The following SLIT3 variants were observed in gnomAD, a reference collection of about 807,000 sequenced individuals.
SLIT3 encodes slit homolog 3 protein.
SLIT3 carries 68 observed loss-of-function variants against 184.0 expected under a neutral mutation model. The ratio of observed to expected loss-of-function variants is 0.37; its 90% confidence interval spans 0.30 to 0.45. SLIT3 has a LOEUF of 0.45. SLIT3 is among the 20% of genes least tolerant of loss of function. The pLI, the probability that SLIT3 is intolerant of heterozygous loss-of-function variation, is 1.00. For synonymous variants in SLIT3, 831 were observed against 828.6 expected (o/e 1.00, Z -0.05); for missense variants, 1,707 against 2,026.0 (o/e 0.84, Z 3.02).
At chr5:168,966,757 C>T (rs1763210560) in intron 4 of SLIT3, among the ~76,000 whole-genome samples, 1 of 152,184 alleles carries the variant, frequency 6.6e-6, no homozygotes. Flanking sequence ...CATGGTGTTC[C>T]TTCCAGCCTC....
chr5:168,808,386 G>A (rs905450996), intron 8 of SLIT3, among the ~76,000 whole-genome samples: 1 of 151,996 alleles, frequency 6.6e-6, no homozygotes, highest in Non-Finnish European at 1.5e-5. Flanking sequence ...TCTGATTCCT[G>A]GTTCTATCAT....
intron 4 of SLIT3, among the ~76,000 whole-genome samples, chr5:169,192,046 A>G (rs1763568366): frequency 6.6e-6 from 1 of 152,178 alleles, no homozygotes; most frequent in South Asian, 2.1e-4. Context: ...TGATTACGTG[A>G]GCATCTAAGG....
chr5:168,944,820 G>C (rs916999499), intron 4 of SLIT3, among the ~76,000 whole-genome samples: 3 of 152,182 alleles, frequency 2.0e-5, no homozygotes, highest in African/African-American at 7.2e-5. Context: ...ATGGTGACTT[G>C]ATGGCTCTTT....
intron 6 of SLIT3, among the ~76,000 whole-genome samples, chr5:168,839,027 G>T (rs888411378): frequency 6.6e-6 from 1 of 152,114 alleles, no homozygotes; most frequent in African/African-American, 2.4e-5. Flanking sequence ...CACCCTCATA[G>T]GCATAAAACC....
chr5:169,126,592 C>A (rs551577626), intron 4 of SLIT3, among the ~76,000 whole-genome samples: 295 of 152,344 alleles, frequency 1.9e-3, no homozygotes, highest in Middle Eastern at 3.4e-3. Context: ...CAGAGCACTG[C>A]CTCTCACAAG....
intron 3 of SLIT3, among the ~76,000 whole-genome samples, chr5:169,203,361 ACAC>A (rs1763965404): frequency 8.2e-6 from 1 of 122,214 alleles, no homozygotes; most frequent in Non-Finnish European, 1.6e-5. Context: ...GCACACACAC[ACAC>A]ACACACACAC....
intron 4 of SLIT3, among the ~76,000 whole-genome samples, chr5:169,008,571 G>A (rs1249889708): frequency 6.6e-6 from 1 of 152,214 alleles, no homozygotes; most frequent in African/African-American, 2.4e-5. Flanking sequence ...TCCCGGCTCA[G>A]CTACTGACTT....
chr5:169,232,756 C>T (rs371125406), intron 3 of SLIT3, among the ~76,000 whole-genome samples: 7 of 152,302 alleles, frequency 4.6e-5, no homozygotes, highest in African/African-American at 1.7e-4. Context: ...CTTTGCTTTT[C>T]TTGGTCATTT....
rs954129532 is a variant in SLIT3, at chr5:169,300,314, G to A, written c.197+199C>T. Among the ~76,000 whole-genome samples the A allele has an allele frequency of 6.6e-6, 1 of 152,190 alleles. No individual in the cohort carries two copies. The highest frequency in any genetic ancestry group is 1.5e-5 in the Non-Finnish European group (1 of 68,034). ...AGGCACTGCTCTTTGCCCATCGCTGGGGGTTTCGAGACCTCTCTTTCCAGA... is the reference window on the plus strand; with the variant it reads ...AGGCACTGCTCTTTGCCCATCGCTGAGGGTTTCGAGACCTCTCTTTCCAGA... On this transcript the variant is annotated intron_variant, in intron 1 of 35. Coordinates refer to ENST00000519560, the MANE Select transcript of SLIT3 (RefSeq NM_003062.4). The surrounding 1 kb of genome is among the most constrained non-coding windows in gnomAD (Gnocchi z 4.1).
chr5:169,290,151 A>C (rs1260877391), intron 1 of SLIT3, among the ~76,000 whole-genome samples: 1 of 146,974 alleles, frequency 6.8e-6, no homozygotes, highest in Non-Finnish European at 1.5e-5. Flanking sequence ...ACACACTAGG[A>C]AATATGCTAG....
At chr5:168,806,310 G>T in intron 9 of SLIT3, 136 bp downstream of exon 9, 1 of 927,466 alleles carries the variant, frequency 1.1e-6, no homozygotes, top group Non-Finnish European at 1.7e-6. Flanking sequence ...TGGAAGGACA[G>T]CAAAGAGATT....
At chr5:168,760,992 A>AC (rs1755127499) in intron 15 of SLIT3, 56 bp from the exon 16 acceptor site, 8 of 1,309,282 alleles carry the variant, frequency 6.1e-6, no homozygotes, top group Non-Finnish European at 5.5e-6. Flanking sequence ...CCCTCCTTCC[A>AC]CCCCCCATGG....
At chr5:169,016,310 A>G (rs1756373616) in intron 4 of SLIT3, among the ~76,000 whole-genome samples, 3 of 152,116 alleles carry the variant, frequency 2.0e-5, no homozygotes, top group African/African-American at 7.2e-5. Flanking sequence ...TTGGTCTAAT[A>G]CAGAAGCACA....
chr5:169,000,128 C>T (rs569100630), intron 4 of SLIT3, among the ~76,000 whole-genome samples: 4 of 152,046 alleles, frequency 2.6e-5, no homozygotes, highest in African/African-American at 4.8e-5. Flanking sequence ...TGGCCGGGTG[C>T]GGTGGCTGTA....
intron 4 of SLIT3, among the ~76,000 whole-genome samples, chr5:168,972,426 C>T (rs1401370485): frequency 7.0e-6 from 1 of 143,292 alleles, no homozygotes; most frequent in African/African-American, 2.7e-5. Context: ...GCTGGAGCAA[C>T]TGGGTGGATT....
At chr5:169,094,316 A>C (rs912968631) in intron 4 of SLIT3, among the ~76,000 whole-genome samples, 2 of 152,222 alleles carry the variant, frequency 1.3e-5, no homozygotes, top group African/African-American at 4.8e-5. Flanking sequence ...CCAGAATTCC[A>C]ACCCAAATTG....
At chr5:169,184,184 A>T (rs535215734) in intron 4 of SLIT3, among the ~76,000 whole-genome samples, 1 of 152,378 alleles carries the variant, frequency 6.6e-6, no homozygotes, top group East Asian at 1.9e-4. Context: ...GTGCTTATAT[A>T]TACTCATATG....
intron 2 of SLIT3, among the ~76,000 whole-genome samples, chr5:169,245,144 G>T (rs975789586): frequency 6.6e-6 from 1 of 152,042 alleles, no homozygotes; most frequent in Non-Finnish European, 1.5e-5. Context: ...CTCCTCCAAG[G>T]ATTCAAAAAT....
intron 7 of SLIT3, among the ~76,000 whole-genome samples, chr5:168,822,798 GAGA>G (rs1278838159): frequency 6.6e-6 from 1 of 152,220 alleles, no homozygotes; most frequent in Non-Finnish European, 1.5e-5. Context: ...GCTGGGTGGA[GAGA>G]AGGAGTGACT....
Sources: gnomAD v4.1 joint callset for allele counts (sites outside exome capture counted in the v4.1 genomes callset) on GRCh38, gnomAD v4.1.1 for gene constraint, Gnocchi (gnomAD v3.1) non-coding constraint, MANE v1.5 for transcripts, NCBI Gene and HGNC (gene_info 2026-07-23, HGNC 2026-07-21) for gene names.